EPC1: variants seen among roughly 807,000 people sequenced by gnomAD.
EPC1 encodes enhancer of polycomb 1.
A neutral mutation model predicts 98.4 loss-of-function variants in EPC1; 12 were observed. The observed-to-expected ratio is 0.12, with a 90% confidence interval of 0.08 to 0.20. EPC1 has a LOEUF of 0.20. Ranked by LOEUF, EPC1 falls within the 10% of genes least tolerant of loss-of-function variation. The pLI, the probability that EPC1 is intolerant of heterozygous loss-of-function variation, is 1.00. For synonymous variants in EPC1, 357 were observed against 363.9 expected (o/e 0.98, Z 0.21); for missense variants, 729 against 990.5 (o/e 0.74, Z 3.54).
At chr10:32,297,077 G>A (rs535827508) in intron 2 of EPC1, among the ~76,000 whole-genome samples, 19 of 152,104 alleles carry the variant, frequency 1.2e-4, no homozygotes, top group South Asian at 4.1e-4. Context: ...TGAATCTGCA[G>A]CTTCCAATAA....
chr10:32,277,056 T>C (rs1016092666), intron 10 of EPC1, among the ~76,000 whole-genome samples: 1 of 151,972 alleles, frequency 6.6e-6, no homozygotes, highest in African/African-American at 2.4e-5. Flanking sequence ...TATGTAACAG[T>C]GGAAGGAAAA....
At chr10:32,291,138 C>T (rs755221806) in intron 6 of EPC1, 25 bp downstream of exon 6, 1 of 1,590,134 alleles carries the variant, frequency 6.3e-7, no homozygotes, top group Non-Finnish European at 8.6e-7. Flanking sequence ...TTATTAGATA[C>T]TATTATCACA....
intron 1 of EPC1, 70 bp downstream of exon 1, chr10:32,346,693 C>T (rs1564561556): frequency 2.0e-6 from 3 of 1,494,454 alleles, no homozygotes; most frequent in Non-Finnish European, 2.8e-6. Context: ...GGGTTTGCTG[C>T]TCCGCCGCCG....
At chr10:32,292,363 C>A in intron 5 of EPC1, 133 bp downstream of exon 5, 2 of 601,438 alleles carry the variant, frequency 3.3e-6, no homozygotes, top group Non-Finnish European at 5.2e-6. Flanking sequence ...AGTATCATAC[C>A]ACATATTTAA....
At chr10:32,275,602 CA>C (rs78892953) in intron 10 of EPC1, among the ~76,000 whole-genome samples, 119,501 of 141,318 alleles carry the variant, frequency 0.85, 50,194 homozygotes, top group East Asian at 0.95. Flanking sequence ...CCATCTCTAC[CA>C]AAAAAAAAAA....
intron 1 of EPC1, among the ~76,000 whole-genome samples, chr10:32,310,751 G>A (rs1314223589): frequency 6.6e-6 from 1 of 152,100 alleles, no homozygotes; most frequent in Non-Finnish European, 1.5e-5. Context: ...GCAGGTGCCT[G>A]TAATCCCAGC....
At chr10:32,371,723 A>C (rs927401359) in intron 1 of EPC1, among the ~76,000 whole-genome samples, 2 of 151,978 alleles carry the variant, frequency 1.3e-5, no homozygotes, top group East Asian at 3.9e-4. Flanking sequence ...ACATGGTGAA[A>C]CCTCATCTCT....
intron 1 of EPC1, among the ~76,000 whole-genome samples, chr10:32,332,532 C>T (rs1837702369): frequency 6.6e-6 from 1 of 152,228 alleles, no homozygotes; most frequent in South Asian, 2.1e-4. Context: ...ACTTGGTACA[C>T]ACTCTCTCGA....
chr10:32,330,712 ACATT>A (rs1269816250), intron 1 of EPC1, among the ~76,000 whole-genome samples: 5 of 152,214 alleles, frequency 3.3e-5, no homozygotes, highest in African/African-American at 1.2e-4. Context: ...AAATAAAGGA[ACATT>A]ATTATAGGTA....
intron 4 of EPC1, 125 bp from the exon 5 acceptor site, chr10:32,292,769 C>T: frequency 1.0e-6 from 1 of 974,110 alleles, no homozygotes; most frequent in African/African-American, 1.7e-5. Flanking sequence ...AAAGGGAGCA[C>T]AGATCACCAG....
intron 9 of EPC1, 186 bp downstream of exon 9, chr10:32,286,508 G>A: frequency 1.5e-6 from 1 of 669,572 alleles, no homozygotes; most frequent in Non-Finnish European, 2.4e-6. Context: ...ATAGAGTTAT[G>A]TCAAAAACTA....
chr10:32,347,207 G>GCGCGGGCA (rs1463426800), upstream of EPC1: 98 of 1,230,512 alleles, frequency 8.0e-5, no homozygotes, highest in Non-Finnish European at 9.8e-5. Context: ...TCGCGCAGCG[G>GCGCGGGCA]CGCGGGCACG....
chr10:32,336,427 C>T lies in EPC1; in HGVS notation c.153+10336G>A, dbSNP rs117911634. 1.5e-4 allele frequency among the ~76,000 whole-genome samples: 23 copies of T among 152,234 alleles called. No homozygotes were observed. In the East Asian group the frequency reaches 4.5e-3, roughly 29 times the overall value. On this transcript the variant is annotated intron_variant, in intron 1 of 13. Transcript: ENST00000319778. ...TCCTCCTTTCTACTTGCTGGCCAAA[C>T]ATTGACCCTTGACAAACCCTATCTA...
chr10:32,350,045 A>T (rs1243032444), upstream of EPC1, among the ~76,000 whole-genome samples: 2 of 152,194 alleles, frequency 1.3e-5, no homozygotes, highest in African/African-American at 4.8e-5. Flanking sequence ...CTTTCACTTT[A>T]AAAATTCTTT....
intron 1 of EPC1, among the ~76,000 whole-genome samples, chr10:32,358,557 A>T (rs539281637): frequency 3.1e-4 from 45 of 147,304 alleles, no homozygotes; most frequent in African/African-American, 1.1e-3. Flanking sequence ...AGGTGGGAGG[A>T]TCACTTGAGC....
chr10:32,330,359 T>C (rs918307031), intron 1 of EPC1, among the ~76,000 whole-genome samples: 4 of 152,222 alleles, frequency 2.6e-5, no homozygotes, highest in Admixed American at 6.5e-5. Flanking sequence ...AGTTCTCCAA[T>C]TTCTCCACTG....
intron 2 of EPC1, among the ~76,000 whole-genome samples, chr10:32,300,515 T>C (rs893978349): frequency 6.7e-6 from 1 of 150,082 alleles, no homozygotes; most frequent in Admixed American, 6.7e-5. Context: ...CTCACTGCAA[T>C]CTCTGCCTCC....
At chr10:32,327,550 C>T (rs1185196971) in intron 1 of EPC1, among the ~76,000 whole-genome samples, 1 of 152,148 alleles carries the variant, frequency 6.6e-6, no homozygotes, top group Non-Finnish European at 1.5e-5. Context: ...ATGTATAGAA[C>T]ATTACTCCAT....
chr10:32,363,510 G>A (rs7090593), intron 1 of EPC1, among the ~76,000 whole-genome samples: 35,777 of 152,132 alleles, frequency 0.24, 5,252 homozygotes, highest in African/African-American at 0.41. Context: ...GTTTATGCTA[G>A]CTGTCAGTCA....
Sources: gnomAD v4.1 joint callset for allele counts (sites outside exome capture counted in the v4.1 genomes callset) on GRCh38, gnomAD v4.1.1 for gene constraint, MANE v1.5 for transcripts, NCBI Gene and HGNC (gene_info 2026-07-23, HGNC 2026-07-21) for gene names.